Variants in TAF1 observed in about 807,000 individuals in gnomAD.
TAF1 encodes TATA-box binding protein associated factor 1.
In TAF1, 2 loss-of-function variants were observed where a neutral mutation model predicts 138.5. The observed-to-expected ratio is 0.01, with a 90% confidence interval of 0.01 to 0.05. The LOEUF (loss-of-function observed/expected upper bound fraction) is 0.05. Ranked by LOEUF, TAF1 falls within the 10% of genes least tolerant of loss-of-function variation. The pLI, the probability that TAF1 is intolerant of heterozygous loss-of-function variation, is 1.00. For synonymous variants in TAF1, 437 were observed against 503.2 expected (o/e 0.87, Z 1.76); for missense variants, 709 against 1,478.0 (o/e 0.48, Z 8.53).
chrX:71,409,008 C>A (rs1222931504), intron 28 of TAF1, among the ~76,000 whole-genome samples: 1 of 102,607 alleles, frequency 9.7e-6, no homozygotes, highest in East Asian at 3.0e-4. Context: ...AGCAAGACTC[C>A]GTCTCAAAAA....
At chrX:71,470,280 A>G (rs2038858611), downstream of TAF1, among the ~76,000 whole-genome samples, 1 of 111,329 alleles carries the variant, frequency 9.0e-6, no homozygotes, top group African/African-American at 3.3e-5. Flanking sequence ...GACTGCTATC[A>G]GGTAATATTA....
At chrX:71,394,706 A>G (rs1031808243) in intron 22 of TAF1, among the ~76,000 whole-genome samples, 8 of 112,114 alleles carry the variant, frequency 7.1e-5, no homozygotes, top group African/African-American at 2.6e-4. Flanking sequence ...ATCTTAGCTT[A>G]CTGCAGCCCC....
rs988520007 is a variant in TAF1 at position 71,423,724 on chromosome X, G to T, written c.4576-250G>T. Among the ~76,000 whole-genome samples the T allele has an allele frequency of 3.3e-4, 37 of 111,649 alleles. 1 individual carries two copies. The highest frequency in any genetic ancestry group is 9.4e-5 in the Non-Finnish European group (5 of 53,135). On this transcript the variant is annotated intron_variant, in intron 30 of 37. Coordinates refer to ENST00000423759, the MANE Select transcript of TAF1 (RefSeq NM_004606.5). ...TATGTGTAATGCTATAAAACTTCTC[G>T]TTGGGACTAGGGAATAAGGAATTTT... is the stretch of plus-strand genomic sequence containing the variant.
chrX:71,418,506 G>T (rs189856249), intron 28 of TAF1, among the ~76,000 whole-genome samples: 7 of 112,701 alleles, frequency 6.2e-5, no homozygotes, highest in Admixed American at 5.7e-4. Flanking sequence ...ATAAACAAGT[G>T]AATGCTGAAT....
In TAF1 at chrX:71,456,649, C is replaced by CTTTTTTTTTTTTTTTTTTTTTTT. The variant is rs776321706; in HGVS notation, c.4939-1571_4939-1549dup. On this transcript the variant is annotated intron_variant, in intron 34 of 37. Coordinates refer to ENST00000423759, the MANE Select transcript of TAF1 (RefSeq NM_004606.5). Reference sequence around the variant, plus strand: ...ATGGTGGTGGTCAATAATGTATTTTCTTTTTTTTTTTTTTTTTTTTTTTTT... The same window carrying CTTTTTTTTTTTTTTTTTTTTTTT: ...ATGGTGGTGGTCAATAATGTATTTTCTTTTTTTTTTTTTTTTTTTTTTTTTTTTTTTTTTTTTTTTTTTTTTTT... Among the ~76,000 whole-genome samples the CTTTTTTTTTTTTTTTTTTTTTTT allele has an allele frequency of 2.2e-4, 6 of 26,828 alleles. 1 individual carries two copies. The highest frequency in any genetic ancestry group is 1.2e-3 in the East Asian group (1 of 859). The allele number at this position is 26,828 out of a possible 115,157, so 23.3% of individuals were successfully genotyped here.
chrX:71,459,350 G>T (rs763983333), intron 35 of TAF1: 1 of 1,008,037 alleles, frequency 9.9e-7, no homozygotes, highest in East Asian at 3.2e-5. Context: ...GATATCAGGG[G>T]GTCTCCTTAG....
intron 3 of TAF1, among the ~76,000 whole-genome samples, chrX:71,374,894 G>A (rs1311172505): frequency 1.8e-5 from 2 of 108,606 alleles, no homozygotes; most frequent in African/African-American, 3.3e-5. Context: ...AGACCAGCCC[G>A]ACCGACATGG....
At chrX:71,524,973 G>C (rs1247526092) in intron 13 of TAF1, among the ~76,000 whole-genome samples, 2 of 109,704 alleles carry the variant, frequency 1.8e-5, no homozygotes, top group Non-Finnish European at 1.9e-5. Context: ...TAATAAGTGG[G>C]GATACAGATA....
chrX:71,528,861 G>A (rs934369543), intron 14 of TAF1: 4 of 248,836 alleles, frequency 1.6e-5, no homozygotes, highest in South Asian at 7.7e-5. Context: ...GGCTGGGGGC[G>A]GCCAGCATTT....
intron 32 of TAF1, among the ~76,000 whole-genome samples, chrX:71,437,138 T>G (rs1443838778): frequency 1.8e-5 from 2 of 111,955 alleles, no homozygotes; most frequent in Non-Finnish European, 3.8e-5. Flanking sequence ...TTATTTTGTT[T>G]ATTTATTTTT....
At chrX:71,406,613 T>C (rs767520246) in intron 25 of TAF1, 25 bp from the exon 26 acceptor site, 2 of 1,190,411 alleles carry the variant, frequency 1.7e-6, no homozygotes, top group Non-Finnish European at 2.3e-6. Context: ...AGGGGCTGTA[T>C]CTAACTAAAG....
At chrX:71,382,091 A>C (rs1489222082) in intron 9 of TAF1, among the ~76,000 whole-genome samples, 172 bp downstream of exon 9, 2 of 112,137 alleles carry the variant, frequency 1.8e-5, no homozygotes, top group African/African-American at 6.5e-5. Flanking sequence ...GTATATGCTT[A>C]GGGAACACTC....
At chrX:71,481,718 C>T (rs1191878406) in intron 13 of TAF1, among the ~76,000 whole-genome samples, 2 of 110,856 alleles carry the variant, frequency 1.8e-5, no homozygotes, top group African/African-American at 3.3e-5. Context: ...CCACCATGCC[C>T]GGCTAATTTT....
At chrX:71,527,910 C>T (rs987174369) in intron 13 of TAF1, 1 of 138,785 alleles carries the variant, frequency 7.2e-6, no homozygotes, top group Non-Finnish European at 1.5e-5. Flanking sequence ...AAACAAATGT[C>T]ATGGGTGCTG....
chrX:71,381,629 C>A, intron 8 of TAF1, 114 bp from the exon 9 acceptor site: 1 of 802,190 alleles, frequency 1.2e-6, no homozygotes, highest in Non-Finnish European at 1.8e-6. Flanking sequence ...ACATGAATAA[C>A]TCCACTAACT....
At chrX:71,436,259 A>G (rs758381637) in intron 32 of TAF1, among the ~76,000 whole-genome samples, 54 of 93,727 alleles carry the variant, frequency 5.8e-4, no homozygotes, top group African/African-American at 2.2e-3. Flanking sequence ...TCTGTCACCC[A>G]GGCTGGAGTG....
chrX:71,443,187 A>G (rs1459559048), intron 32 of TAF1, among the ~76,000 whole-genome samples: 1 of 111,740 alleles, frequency 8.9e-6, no homozygotes, highest in African/African-American at 3.3e-5. Context: ...GTTTTTTCCA[A>G]TTCTGTGAAG....
intron 25 of TAF1, 22 bp from the exon 26 acceptor site, chrX:71,406,616 A>G: frequency 8.4e-7 from 1 of 1,191,047 alleles, no homozygotes; most frequent in Non-Finnish European, 1.1e-6. Context: ...GGCTGTATCT[A>G]ACTAAAGTGT....
At chrX:71,385,219 C>T (rs2034142526) in intron 14 of TAF1, among the ~76,000 whole-genome samples, 170 bp downstream of exon 14, 1 of 112,124 alleles carries the variant, frequency 8.9e-6, no homozygotes, top group Admixed American at 9.5e-5. Context: ...TTTCTTAAAA[C>T]TGGCTGTGAA....
Sources: gnomAD v4.1 joint callset for allele counts (sites outside exome capture counted in the v4.1 genomes callset) on GRCh38, gnomAD v4.1.1 for gene constraint, MANE v1.5 for transcripts, NCBI Gene and HGNC (gene_info 2026-07-23, HGNC 2026-07-21) for gene names.